PADI3: variants seen among roughly 807,000 people sequenced by gnomAD.
The protein encoded by PADI3 is peptidyl arginine deiminase 3.
PADI3 carries 53 observed loss-of-function variants against 71.5 expected under a neutral mutation model. The ratio of observed to expected loss-of-function variants is 0.74; its 90% CI spans 0.59 to 0.93. The LOEUF is 0.93. Ranked by LOEUF, PADI3 falls within the 40% of genes least tolerant of loss-of-function variation. PADI3 has a pLI of 0.00. For missense variants in PADI3, 821 were observed against 868.0 expected, an observed-to-expected ratio of 0.95 and a Z score of 0.68; for synonymous variants, 361 against 347.5, an observed-to-expected ratio of 1.04 and a Z score of -0.43.
Position 17,265,591 on chromosome 1 carries a change from C to T in PADI3, c.347-68C>T. The stretch of plus-strand genomic sequence containing the variant: ...GCCTTTGCTCAGCCCCAGACAAGCC[C>T]TGAGATCAAGGCCTGCCCTGGGCTC... On this transcript the variant is annotated intron_variant, in intron 3 of 15. Coordinates refer to ENST00000375460, the MANE Select transcript of PADI3 (RefSeq NM_016233.2). The T allele has an allele frequency of 2.8e-6, 4 of 1,413,672 alleles. No individual in the cohort carries two copies. The South Asian group carries it at 4.6e-5, about 16-fold the overall frequency. 87.6% of individuals were successfully genotyped at this position (1,413,672 alleles called of 1,614,324 possible). A position where few individuals can be genotyped will look rare whatever the true frequency, so the allele number is the denominator to read the frequency against.
intron 13 of PADI3, among the ~76,000 whole-genome samples, 199 bp from the exon 14 acceptor site, chr1:17,280,151 C>G (rs915193030): frequency 2.0e-5 from 3 of 152,232 alleles, no homozygotes; most frequent in African/African-American, 7.2e-5. Flanking sequence ...CCCTCCCACT[C>G]CTTATACCCC....
rs1318928239 is a variant in PADI3 at position 17,277,662 on chromosome 1, C to A, written c.1555+786C>A. On this transcript the variant is annotated intron_variant, in intron 13 of 15. Coordinates refer to ENST00000375460, the MANE Select transcript of PADI3 (RefSeq NM_016233.2). ...TCCCTGGAGCCTCAGTGCAAGGCCT[C>A]CCCCATCTCTGTCACTGTCCTGAGA... Among the ~76,000 whole-genome samples, 5 of 152,362 alleles carry A rather than the reference C, an allele frequency of 3.3e-5. No homozygotes were observed. In the East Asian group the frequency reaches 9.6e-4, roughly 29 times the overall value.
intron 7 of PADI3, 124 bp from the exon 8 acceptor site, chr1:17,270,754 TG>T: frequency 1.4e-6 from 1 of 724,198 alleles, no homozygotes; most frequent in Non-Finnish European, 2.4e-6. Flanking sequence ...ACCACCCCTC[TG>T]GTTCATTTCC....
chr1:17,272,438 C>G (rs2073268068), intron 9 of PADI3, among the ~76,000 whole-genome samples: 1 of 152,162 alleles, frequency 6.6e-6, no homozygotes, highest in South Asian at 2.1e-4. Flanking sequence ...GTGCCACCAA[C>G]TAACTAGCTG....
At chr1:17,270,820 C>T (rs552157387) in intron 7 of PADI3, 59 bp from the exon 8 acceptor site, 3 of 1,153,058 alleles carry the variant, frequency 2.6e-6, no homozygotes, top group Admixed American at 1.9e-5. Flanking sequence ...GAATCAGAGT[C>T]CCCCCAGGCC....
intron 1 of PADI3, among the ~76,000 whole-genome samples, chr1:17,257,624 T>C (rs1269672082): frequency 1.3e-5 from 2 of 152,200 alleles, no homozygotes. Flanking sequence ...ACCTGCCTGA[T>C]GGAGAGAAGC....
At chr1:17,274,824 G>A in intron 11 of PADI3, 38 bp downstream of exon 11, 1 of 1,602,866 alleles carries the variant, frequency 6.2e-7, no homozygotes, top group Non-Finnish European at 8.5e-7. Context: ...CTGGGGTGGA[G>A]GCTGAGGGTT....
chr1:17,259,710 G>A lies in PADI3; in HGVS notation c.225G>A (p.Glu75=), dbSNP rs1199314560. Residue 75 remains glutamate, a synonymous_variant, in exon 2 of 16, where the codon GAG becomes GAA. Coordinates refer to ENST00000375460, the MANE Select transcript of PADI3 (RefSeq NM_016233.2). ...GGTGGCGCTTTGACGCGACTTTGGA[G>A]ATCATCGTGGTCATGAACTCCCCCA... The part of the protein sequence containing the change: ...TRRWRFDATL[E]IIVVMNSPSN... The A allele has an allele frequency of 6.2e-6, 10 of 1,613,122 alleles. No individual in the cohort carries two copies. The highest frequency in any genetic ancestry group is 2.2e-5 in the East Asian group (1 of 44,834).
chr1:17,273,400 T>G lies in PADI3; in HGVS notation c.1108T>G (p.Ser370Ala), dbSNP rs780164255. 6.2e-7 allele frequency: 1 copy of G among 1,613,448 alleles called. No individual in the cohort carries two copies. Among genetic ancestry groups the G allele is most frequent in the African/African-American group, 1.3e-5 (1 of 74,820 alleles). The stretch of plus-strand genomic sequence containing the variant: ...CAAGACCCTCCCGGTGGTCTTTGAC[T>G]CCCCAAGGAATGGGGAACTGCAGGA... ...PHKTLPVVFD[S>A]PRNGELQDFP... The change falls in exon 10 of 16, where the codon TCC (serine) becomes GCC (alanine). Residue 370 changes from serine (S) to alanine (A), a missense_variant. Transcript: ENST00000375460.
intron 4 of PADI3, among the ~76,000 whole-genome samples, chr1:17,266,010 G>A (rs1481634313): frequency 1.3e-5 from 2 of 152,206 alleles, no homozygotes; most frequent in African/African-American, 4.8e-5. Flanking sequence ...AACTTTTTCC[G>A]TGAAAAGTCA....
rs369743391 is a variant in PADI3, at chr1:17,271,840, A to G, written c.1047+662A>G. Among the ~76,000 whole-genome samples, 27 of 143,334 alleles carry G rather than the reference A, an allele frequency of 1.9e-4. 1 individual carries two copies. The highest frequency in any genetic ancestry group is 6.3e-4 in the African/African-American group (24 of 38,180). 94.0% of individuals were successfully genotyped at this position (143,334 alleles called of 152,430 possible). A position where few individuals can be genotyped will look rare whatever the true frequency, so the allele number is the denominator to read the frequency against. On this transcript the variant is annotated intron_variant, in intron 9 of 15. Coordinates refer to ENST00000375460, the MANE Select transcript of PADI3 (RefSeq NM_016233.2). ...CTCCAGCCTCAGCAACAACAACAAA[A>G]AAAAAAAAAAAAAAAGAGAGAGAGA...
intron 3 of PADI3, among the ~76,000 whole-genome samples, chr1:17,263,485 A>C (rs1197631590): frequency 1.3e-5 from 2 of 152,186 alleles, no homozygotes; most frequent in Non-Finnish European, 2.9e-5. Context: ...CTCACACCAT[A>C]CTCAAAAATA....
chr1:17,270,463 A>G (rs2073232345), intron 7 of PADI3, 52 bp downstream of exon 7: 3 of 1,508,106 alleles, frequency 2.0e-6, no homozygotes, highest in Admixed American at 2.0e-5. Flanking sequence ...AGCCTGGGCA[A>G]CATGGTGAAA....
In PADI3 at chr1:17,283,364, C is replaced by T. The variant is rs2100610038; in HGVS notation, c.*285C>T. The T allele has an allele frequency of 2.6e-6, 1 of 382,762 alleles. No individual in the cohort carries two copies. The highest frequency in any genetic ancestry group is 2.0e-5 in the African/African-American group (1 of 49,040). 23.7% of individuals were successfully genotyped at this position (382,762 alleles called of 1,614,324 possible). A position where few individuals can be genotyped will look rare whatever the true frequency, so the allele number is the denominator to read the frequency against. On this transcript the variant is annotated 3_prime_UTR_variant, in exon 16 of 16. Coordinates refer to ENST00000375460, the MANE Select transcript of PADI3 (RefSeq NM_016233.2). Reference sequence around the variant, plus strand: ...ACAACCCATGGAGATGTCCCCTTCTCACTCTGAAATCATCCATTTGGGGAC... The same window carrying T: ...ACAACCCATGGAGATGTCCCCTTCTTACTCTGAAATCATCCATTTGGGGAC...
intron 1 of PADI3, among the ~76,000 whole-genome samples, chr1:17,251,094 A>G (rs574999186): frequency 6.6e-6 from 1 of 152,152 alleles, no homozygotes; most frequent in Non-Finnish European, 1.5e-5. Flanking sequence ...TTCTTCAAGT[A>G]TTTCTTTTGG....
chr1:17,280,171 A>G (rs2073383497), intron 13 of PADI3, among the ~76,000 whole-genome samples, 179 bp from the exon 14 acceptor site: 1 of 152,188 alleles, frequency 6.6e-6, no homozygotes, highest in Non-Finnish European at 1.5e-5. Context: ...CAAGATGTGC[A>G]CAGTGGCCAA....
At chr1:17,274,939 G>A (rs903872716) in intron 11 of PADI3, among the ~76,000 whole-genome samples, 153 bp downstream of exon 11, 1 of 152,068 alleles carries the variant, frequency 6.6e-6, no homozygotes, top group Admixed American at 6.6e-5. Context: ...GTTGGTGGGT[G>A]TTCACCAGAC....
At chr1:17,270,125 G>T in intron 6 of PADI3, 108 bp from the exon 7 acceptor site, 2 of 1,300,082 alleles carry the variant, frequency 1.5e-6, no homozygotes, top group Admixed American at 2.3e-5. Flanking sequence ...GGGAGTTGTT[G>T]GAGGACTTGG....
intron 11 of PADI3, among the ~76,000 whole-genome samples, chr1:17,276,009 C>A (rs2073325441): frequency 6.6e-6 from 1 of 152,216 alleles, no homozygotes; most frequent in Non-Finnish European, 1.5e-5. Flanking sequence ...GAGTCTGCCT[C>A]ATGCAGAACT....
Sources: gnomAD v4.1 joint callset for allele counts (sites outside exome capture counted in the v4.1 genomes callset) on GRCh38, gnomAD v4.1.1 for gene constraint, MANE v1.5 for transcripts, NCBI Gene and HGNC (gene_info 2026-07-23, HGNC 2026-07-21) for gene names.